The following DIAPH2 variants were observed in gnomAD, a reference collection of about 807,000 sequenced individuals.
DIAPH2 encodes diaphanous related formin 2.
Under a neutral mutation model 92.7 loss-of-function variants are expected in DIAPH2, and 35 were observed. That is an observed-to-expected ratio of 0.38 (90% CI 0.29 to 0.50). The LOEUF (loss-of-function observed/expected upper bound fraction) is 0.50, where lower values mean the gene tolerates loss of function less well. DIAPH2 is among the 20% of genes least tolerant of loss of function. DIAPH2 has a pLI of 0.94. For missense variants in DIAPH2, 701 were observed against 819.5 expected, an observed-to-expected ratio of 0.86 and a Z score of 1.77; for synonymous variants, 301 against 280.4, an observed-to-expected ratio of 1.07 and a Z score of -0.73.
intron 21 of DIAPH2, among the ~76,000 whole-genome samples, chrX:97,132,056 G>A (rs1170009331): frequency 8.9e-6 from 1 of 111,807 alleles, no homozygotes; most frequent in Non-Finnish European, 1.9e-5. Flanking sequence ...TGCCCTGCTG[G>A]TCCGGAAGGT....
At chrX:96,991,411 C>G (rs1175409892) in intron 17 of DIAPH2, among the ~76,000 whole-genome samples, 1 of 110,534 alleles carries the variant, frequency 9.0e-6, no homozygotes, top group Admixed American at 9.7e-5. Flanking sequence ...AGCCACCGTG[C>G]CTGGCCTATT....
At position 97,500,763 on chromosome X, in the gene DIAPH2, G is replaced by GATATATATATAT. The variant is rs56041649; in HGVS notation, c.3241+71047_3241+71058dup. 1.8e-4 allele frequency among the ~76,000 whole-genome samples: 11 copies of GATATATATATAT among 60,113 alleles called. 1 individual carries two copies. Among genetic ancestry groups the GATATATATATAT allele is most frequent in the Non-Finnish European group, 2.5e-4 (8 of 32,303 alleles). The allele number at this position is 60,113 out of a possible 115,157, so 52.2% of individuals were successfully genotyped here. On this transcript the variant is annotated intron_variant, in intron 26 of 26. Coordinates refer to ENST00000324765, the MANE Select transcript of DIAPH2 (RefSeq NM_006729.5). ...TGATTTCACAACAGCCATTCAAGGA[G>GATATATATATAT]ATATATATATATATATATATATATA...
chrX:96,756,073 C>A lies in DIAPH2; in HGVS notation c.343-2081C>A, dbSNP rs915256184. On this transcript the variant is annotated intron_variant, in intron 3 of 26. Coordinates refer to ENST00000324765, the MANE Select transcript of DIAPH2 (RefSeq NM_006729.5). ...TAGAAGCGAGGTCTTGCTATGTTGC[C>A]CAGGCTGGTCTCAAACTCCTGGGCC... Among the ~76,000 whole-genome samples, 3 of 111,351 alleles carry A rather than the reference C, an allele frequency of 2.7e-5. No homozygotes were observed. In the East Asian group the frequency reaches 8.5e-4, roughly 31 times the overall value.
rs143444198 is a variant in DIAPH2, at chrX:97,133,970, C to A, written c.2590-7695C>A. 5.0e-3 allele frequency among the ~76,000 whole-genome samples: 559 copies of A among 112,599 alleles called. 6 individuals carry two copies. The highest frequency in any genetic ancestry group is 0.017 in the African/African-American group (542 of 31,014). ...AATTTCAGAATCTGATTCAAACTTT[C>A]TGAGTAAATATCTAAGCAACAATGC... On this transcript the variant is annotated intron_variant, in intron 21 of 26. Coordinates refer to ENST00000324765, the MANE Select transcript of DIAPH2 (RefSeq NM_006729.5).
intron 26 of DIAPH2, among the ~76,000 whole-genome samples, chrX:97,514,129 C>T (rs1314046298): frequency 9.4e-6 from 1 of 106,736 alleles, no homozygotes; most frequent in African/African-American, 3.5e-5. Context: ...CCATTCTCCC[C>T]ATCACTTTCA....
chrX:97,485,245 A>G (rs1457123587), intron 26 of DIAPH2, among the ~76,000 whole-genome samples: 1 of 111,704 alleles, frequency 9.0e-6, no homozygotes, highest in African/African-American at 3.3e-5. Context: ...CTTTGTCTTC[A>G]TAGCCTAAAA....
At chrX:96,813,526 T>C (rs2064704196) in intron 4 of DIAPH2, among the ~76,000 whole-genome samples, 1 of 111,552 alleles carries the variant, frequency 9.0e-6, no homozygotes, top group Non-Finnish European at 1.9e-5. Flanking sequence ...CATTTACATT[T>C]AAGGTTATTA....
intron 22 of DIAPH2, among the ~76,000 whole-genome samples, chrX:97,212,143 T>C (rs919183451): frequency 1.8e-5 from 2 of 111,921 alleles, no homozygotes; most frequent in African/African-American, 6.5e-5. Flanking sequence ...GAATTATTAA[T>C]GTTATTTGAG....
intron 14 of DIAPH2, among the ~76,000 whole-genome samples, chrX:96,946,666 T>C (rs1205055807): frequency 8.9e-6 from 1 of 111,927 alleles, no homozygotes; most frequent in Non-Finnish European, 1.9e-5. Context: ...ATATTTCTAA[T>C]GTTCTTGTTT....
intron 17 of DIAPH2, among the ~76,000 whole-genome samples, chrX:97,060,190 A>G (rs1247075260): frequency 8.9e-6 from 1 of 112,580 alleles, no homozygotes; most frequent in Non-Finnish European, 1.9e-5. Flanking sequence ...GGAAGCAACA[A>G]TGATCCCCCA....
At chrX:97,142,213 A>G (rs2067213018) in intron 22 of DIAPH2, among the ~76,000 whole-genome samples, 1 of 111,786 alleles carries the variant, frequency 8.9e-6, no homozygotes, top group Non-Finnish European at 1.9e-5. Flanking sequence ...AATGTGTTAT[A>G]AAATAAGGAT....
intron 22 of DIAPH2, among the ~76,000 whole-genome samples, chrX:97,142,477 C>G (rs1935637892): frequency 9.0e-6 from 1 of 111,417 alleles, no homozygotes; most frequent in Admixed American, 9.6e-5. Context: ...AGGTAGGTAT[C>G]TCTGAGACTT....
intron 26 of DIAPH2, among the ~76,000 whole-genome samples, chrX:97,549,936 A>G (rs1333016148): frequency 8.9e-6 from 1 of 112,990 alleles, no homozygotes; most frequent in East Asian, 2.7e-4. Context: ...TTCTCTAAGA[A>G]AGAGCAACAA....
intron 23 of DIAPH2, among the ~76,000 whole-genome samples, chrX:97,313,368 A>G (rs1488204880): frequency 8.9e-6 from 1 of 111,771 alleles, no homozygotes; most frequent in Non-Finnish European, 1.9e-5. Flanking sequence ...TATAAGAAAT[A>G]TGGTCATCTT....
chrX:96,709,918 A>G (rs12006774), intron 1 of DIAPH2, among the ~76,000 whole-genome samples: 2,881 of 111,984 alleles, frequency 0.026, 89 homozygotes, highest in African/African-American at 0.088. Flanking sequence ...CATTCTTTCC[A>G]TGACAGATAA....
intron 22 of DIAPH2, among the ~76,000 whole-genome samples, chrX:97,185,474 C>CATAT (rs1180330581): frequency 2.4e-3 from 25 of 10,496 alleles, no homozygotes; most frequent in Admixed American, 6.8e-3. Flanking sequence ...TATATATACA[C>CATAT]ATATATATAT....
chrX:97,277,351 A>C (rs1417133839), intron 23 of DIAPH2, among the ~76,000 whole-genome samples: 1 of 110,997 alleles, frequency 9.0e-6, no homozygotes, highest in African/African-American at 3.3e-5. Flanking sequence ...AAAAGAAAAA[A>C]TTAAAAATAA....
chrX:97,557,844 A>G (rs1443204032), intron 26 of DIAPH2, among the ~76,000 whole-genome samples: 1 of 112,189 alleles, frequency 8.9e-6, no homozygotes, highest in Admixed American at 9.4e-5. Flanking sequence ...AAACAAATAC[A>G]GCTAAATTAT....
intron 4 of DIAPH2, among the ~76,000 whole-genome samples, chrX:96,814,982 G>A (rs140822148): frequency 0.031 from 3,434 of 112,002 alleles, 62 homozygotes; most frequent in Non-Finnish European, 0.048. Context: ...AGGCTACACG[G>A]GGGTCAGGGA....
Sources: gnomAD v4.1 joint callset for allele counts (sites outside exome capture counted in the v4.1 genomes callset) on GRCh38, gnomAD v4.1.1 for gene constraint, MANE v1.5 for transcripts, NCBI Gene and HGNC (gene_info 2026-07-23, HGNC 2026-07-21) for gene names.